IKZF2: variants seen among roughly 807,000 people sequenced by gnomAD.
The protein encoded by IKZF2 is IKAROS family zinc finger 2, also known as zinc finger protein Helios.
In IKZF2, 15 loss-of-function variants were observed where a neutral mutation model predicts 49.2. The ratio of observed to expected loss-of-function variants is 0.30; its 90% CI spans 0.20 to 0.47. The LOEUF (loss-of-function observed/expected upper bound fraction) is 0.47. Among genes scored for constraint, IKZF2 ranks in the 20% least tolerant of loss-of-function variants. The pLI is 1.00. For synonymous variants in IKZF2, 227 were observed against 221.4 expected (o/e 1.03, Z -0.23); for missense variants, 567 against 664.6 (o/e 0.85, Z 1.61).
intron 7 of IKZF2, among the ~76,000 whole-genome samples, chr2:213,017,477 A>T (rs1696741622): frequency 6.6e-6 from 1 of 152,150 alleles, no homozygotes; most frequent in African/African-American, 2.4e-5. Context: ...ACTAATTACC[A>T]TATCACTGAA....
At chr2:213,112,527 G>C (rs142152048) in intron 4 of IKZF2, among the ~76,000 whole-genome samples, 2,919 of 150,100 alleles carry the variant, frequency 0.019, 35 homozygotes, top group South Asian at 0.042. Flanking sequence ...GCAGTGGCAC[G>C]ATCACAGCTC....
intron 1 of IKZF2, among the ~76,000 whole-genome samples, 185 bp downstream of exon 1, chr2:213,151,228 T>C (rs1216830992): frequency 6.6e-6 from 1 of 152,168 alleles, no homozygotes; most frequent in Admixed American, 6.5e-5. Context: ...ATTATTATTA[T>C]TACTGGTTAA....
intron 4 of IKZF2, among the ~76,000 whole-genome samples, chr2:213,124,896 C>A (rs184864015): frequency 1.5e-3 from 236 of 152,298 alleles, no homozygotes; most frequent in Non-Finnish European, 1.3e-3. Flanking sequence ...TTATACCTCA[C>A]CTAGCAACTT....
intron 4 of IKZF2, among the ~76,000 whole-genome samples, chr2:213,130,179 C>G (rs1211864053): frequency 6.6e-6 from 1 of 152,168 alleles, no homozygotes; most frequent in Non-Finnish European, 1.5e-5. Flanking sequence ...TGTCCTCTAA[C>G]TGGATCATTT....
At chr2:213,092,982 A>C (rs905633948) in intron 4 of IKZF2, among the ~76,000 whole-genome samples, 2 of 152,172 alleles carry the variant, frequency 1.3e-5, no homozygotes, top group African/African-American at 4.8e-5. Context: ...GTGCATTCTC[A>C]GGGAGTGGCA....
intron 4 of IKZF2, among the ~76,000 whole-genome samples, chr2:213,064,504 C>T (rs1701994525): frequency 6.6e-6 from 1 of 152,014 alleles, no homozygotes; most frequent in Admixed American, 6.6e-5. Context: ...ATAGCGTGCA[C>T]ATCATCAAAA....
intron 4 of IKZF2, among the ~76,000 whole-genome samples, chr2:213,133,847 G>C (rs2060562545): frequency 1.3e-5 from 2 of 152,206 alleles, no homozygotes; most frequent in South Asian, 4.1e-4. Context: ...TTCTATGCTA[G>C]ATGTAAAAGC....
At position 213,138,668 on chromosome 2, in the gene IKZF2, T is replaced by G. The variant is rs1477030002; in HGVS notation, c.139+9040A>C. Among the ~76,000 whole-genome samples, 5 of 152,072 alleles carry G rather than the reference T, an allele frequency of 3.3e-5. No individual in the cohort carries two copies. The East Asian group carries it at 9.6e-4, about 29-fold the overall frequency. ...ACATCTGGAAAACCTGATTAATTTC[T>G]TTATAATCAAGGTGTGGCCCACAAA... On this transcript the variant is annotated intron_variant, in intron 4 of 8. Coordinates refer to ENST00000434687, the MANE Select transcript of IKZF2 (RefSeq NM_001387220.1).
chr2:213,088,736 C>A (rs1424595644), intron 4 of IKZF2, among the ~76,000 whole-genome samples: 5 of 152,068 alleles, frequency 3.3e-5, no homozygotes, highest in African/African-American at 1.2e-4. Flanking sequence ...CCAGTCTGGG[C>A]AACAGAGCGA....
intron 7 of IKZF2, among the ~76,000 whole-genome samples, chr2:213,020,838 CATAG>C (rs141867766): frequency 8.5e-5 from 13 of 152,266 alleles, no homozygotes; most frequent in African/African-American, 2.9e-4. Context: ...TAAGCCAATA[CATAG>C]ATATTTATAT....
intron 4 of IKZF2, among the ~76,000 whole-genome samples, chr2:213,075,583 T>C (rs13388518): frequency 0.055 from 8,315 of 152,170 alleles, 750 homozygotes; most frequent in African/African-American, 0.19. Context: ...AACTCTCATT[T>C]GAGAATCTGA....
At chr2:213,099,141 A>G (rs1706343188) in intron 4 of IKZF2, among the ~76,000 whole-genome samples, 1 of 152,152 alleles carries the variant, frequency 6.6e-6, no homozygotes, top group Non-Finnish European at 1.5e-5. Context: ...GAGTTTATTC[A>G]TATACTGATG....
chr2:213,057,279 C>T (rs1240955732), intron 4 of IKZF2, among the ~76,000 whole-genome samples, 180 bp from the exon 5 acceptor site: 2 of 152,154 alleles, frequency 1.3e-5, no homozygotes, highest in East Asian at 3.9e-4. Flanking sequence ...AGTGAAATGT[C>T]ATGGAAGTGA....
chr2:213,116,537 C>T (rs1044374475), intron 4 of IKZF2, among the ~76,000 whole-genome samples: 2 of 152,046 alleles, frequency 1.3e-5, no homozygotes, highest in African/African-American at 4.8e-5. Flanking sequence ...GAGTTCAAGA[C>T]CAGCCTGGGA....
intron 6 of IKZF2, among the ~76,000 whole-genome samples, chr2:213,045,822 G>T (rs1429834150): frequency 6.6e-6 from 1 of 152,136 alleles, no homozygotes; most frequent in East Asian, 1.9e-4. Flanking sequence ...AAGCAACATA[G>T]ACCATATTTG....
chr2:213,137,204 G>A (rs1178538537), intron 4 of IKZF2, among the ~76,000 whole-genome samples: 3 of 152,038 alleles, frequency 2.0e-5, no homozygotes, highest in African/African-American at 7.2e-5. Context: ...ATGGCAGTGT[G>A]TAAATTCATG....
At chr2:213,060,502 A>C (rs1701582582) in intron 4 of IKZF2, among the ~76,000 whole-genome samples, 1 of 151,386 alleles carries the variant, frequency 6.6e-6, no homozygotes, top group Non-Finnish European at 1.5e-5. Flanking sequence ...ATCCTCATAA[A>C]TGGGCTATAA....
intron 4 of IKZF2, among the ~76,000 whole-genome samples, chr2:213,146,255 T>C (rs1247028439): frequency 1.3e-5 from 2 of 152,110 alleles, no homozygotes; most frequent in Non-Finnish European, 2.9e-5. Context: ...AATGTAAAAA[T>C]TCTATTGCCT....
At chr2:213,135,830 C>T (rs2060638364) in intron 4 of IKZF2, among the ~76,000 whole-genome samples, 1 of 151,676 alleles carries the variant, frequency 6.6e-6, no homozygotes, top group Non-Finnish European at 1.5e-5. Context: ...CACGGTGGCT[C>T]ACAAGCTCAG....
Sources: allele counts gnomAD v4.1 joint callset (sites outside exome capture counted in the v4.1 genomes callset), GRCh38; gene constraint gnomAD v4.1.1; transcripts MANE v1.5; gene names NCBI Gene and HGNC (gene_info 2026-07-23, HGNC 2026-07-21).